NTRK3: variants seen among roughly 807,000 people sequenced by gnomAD.
NTRK3 encodes neurotrophic receptor tyrosine kinase 3.
A neutral mutation model predicts 91.7 loss-of-function variants in NTRK3; 24 were observed. That is an observed-to-expected ratio of 0.26 (90% CI 0.19 to 0.37). The LOEUF is 0.37. Ranked by LOEUF, NTRK3 falls within the 10% of genes least tolerant of loss-of-function variation. The pLI is 1.00. For missense variants in NTRK3, 880 were observed against 1,068.9 expected, an observed-to-expected ratio of 0.82 and a Z score of 2.46; for synonymous variants, 483 against 404.0, an observed-to-expected ratio of 1.20 and a Z score of -2.34.
At chr15:88,142,383 G>T (rs754694194) in intron 6 of NTRK3, among the ~76,000 whole-genome samples, 1 of 152,252 alleles carries the variant, frequency 6.6e-6, no homozygotes, top group African/African-American at 2.4e-5. Context: ...GGGCCTAATC[G>T]CAGGGCTCTG....
At chr15:88,206,021 G>A (rs1202244629) in intron 3 of NTRK3, 1 of 152,254 alleles carries the variant, frequency 6.6e-6, no homozygotes, top group Non-Finnish European at 1.5e-5. Flanking sequence ...ACAGCAGCTA[G>A]AGATGCCTTG....
chr15:87,957,494 C>T (rs2071788186), intron 14 of NTRK3, among the ~76,000 whole-genome samples: 1 of 152,164 alleles, frequency 6.6e-6, no homozygotes, highest in Non-Finnish European at 1.5e-5. Flanking sequence ...GCAAAATGGA[C>T]TCATAAGATG....
intron 13 of NTRK3, among the ~76,000 whole-genome samples, chr15:88,040,642 A>G (rs2079519733): frequency 6.6e-6 from 1 of 152,174 alleles, no homozygotes; most frequent in Non-Finnish European, 1.5e-5. Flanking sequence ...CAATCCTCAG[A>G]AATGTGGCAC....
chr15:87,966,601 T>G (rs1786822771), intron 14 of NTRK3, among the ~76,000 whole-genome samples: 1 of 152,186 alleles, frequency 6.6e-6, no homozygotes, highest in African/African-American at 2.4e-5. Flanking sequence ...TTTGGCCAAC[T>G]CTTGGGCTTA....
intron 3 of NTRK3, among the ~76,000 whole-genome samples, chr15:88,202,570 C>T (rs146900390): frequency 2.0e-5 from 3 of 152,318 alleles, no homozygotes; most frequent in Non-Finnish European, 4.4e-5. Context: ...TTTGACTAAG[C>T]GACCCATTCA....
exon 19 of NTRK3, chr15:87,873,010 G>A: frequency 4.3e-6 from 1 of 233,022 alleles, no homozygotes. Context: ...AACTTCCAAT[G>A]CACCCTGTAC....
chr15:87,908,184 G>GAATGTTAATAATTAGAAAGAAAAA (rs2066883839), intron 17 of NTRK3, among the ~76,000 whole-genome samples: 1 of 152,226 alleles, frequency 6.6e-6, no homozygotes, highest in Non-Finnish European at 1.5e-5. Flanking sequence ...GCACAGGTCT[G>GAATGTTAATAATTAGAAAGAAAAA]GACAGAAGCC....
At chr15:88,207,019 C>T (rs1002102634) in intron 3 of NTRK3, among the ~76,000 whole-genome samples, 2 of 152,196 alleles carry the variant, frequency 1.3e-5, no homozygotes, top group African/African-American at 4.8e-5. Flanking sequence ...CCTTCTGTTC[C>T]TCCTTCAGGG....
chr15:87,937,527 T>C (rs1307392750), intron 15 of NTRK3, among the ~76,000 whole-genome samples: 2 of 152,116 alleles, frequency 1.3e-5, no homozygotes, highest in Non-Finnish European at 2.9e-5. Flanking sequence ...AAATTGTGAC[T>C]ACTCAAAACA....
At chr15:88,170,976 A>G (rs1048630801) in intron 5 of NTRK3, among the ~76,000 whole-genome samples, 2 of 152,196 alleles carry the variant, frequency 1.3e-5, no homozygotes, top group African/African-American at 4.8e-5. Flanking sequence ...CTGTGTGTAT[A>G]AACCAGCCCT....
At chr15:87,988,207 T>G (rs907370626) in intron 14 of NTRK3, among the ~76,000 whole-genome samples, 1 of 152,172 alleles carries the variant, frequency 6.6e-6, no homozygotes, top group Non-Finnish European at 1.5e-5. Context: ...TGGTCTTCCT[T>G]CCCAATATCC....
At chr15:87,933,016 G>A (rs2141953794) in exon 16 of NTRK3, 1 of 1,614,088 alleles carries the variant, frequency 6.2e-7, no homozygotes, top group Non-Finnish European at 8.5e-7. Flanking sequence ...GCTTACCTGA[G>A]GAACTTATTC....
chr15:88,176,823 A>G (rs1225510492), intron 5 of NTRK3, among the ~76,000 whole-genome samples: 1 of 152,232 alleles, frequency 6.6e-6, no homozygotes, highest in African/African-American at 2.4e-5. Flanking sequence ...ACTCTTAAAT[A>G]GCTGAATGAG....
intron 3 of NTRK3, among the ~76,000 whole-genome samples, chr15:88,211,100 G>A (rs2049203103): frequency 6.6e-6 from 1 of 152,180 alleles, no homozygotes; most frequent in African/African-American, 2.4e-5. Context: ...ACAATGTCAT[G>A]CAAACATCAC....
At chr15:88,123,697 C>T (rs543821817) in intron 13 of NTRK3, among the ~76,000 whole-genome samples, 4 of 152,236 alleles carry the variant, frequency 2.6e-5, no homozygotes, top group South Asian at 4.2e-4. Context: ...ACATTAGTTC[C>T]GACCAGAAAG....
chr15:88,051,255 C>T (rs2142292409), intron 13 of NTRK3, among the ~76,000 whole-genome samples: 1 of 152,268 alleles, frequency 6.6e-6, no homozygotes, highest in East Asian at 1.9e-4. Context: ...CAGCTCAATC[C>T]CCACCACTCC....
intron 14 of NTRK3, among the ~76,000 whole-genome samples, chr15:87,950,873 T>C (rs2141109886): frequency 6.6e-6 from 1 of 152,346 alleles, no homozygotes; most frequent in South Asian, 2.1e-4. Context: ...GGAGTTTTGA[T>C]ATCTTTAAAT....
At chr15:87,862,423 A>G (rs555683985) in exon 19 of NTRK3, 1 of 227,642 alleles carries the variant, frequency 4.4e-6, no homozygotes, top group South Asian at 1.8e-4. Context: ...AAAGAAAGGG[A>G]TAAGATATAG....
intron 14 of NTRK3, among the ~76,000 whole-genome samples, chr15:88,022,334 C>A (rs2077659411): frequency 6.6e-6 from 1 of 152,148 alleles, no homozygotes; most frequent in Non-Finnish European, 1.5e-5. Flanking sequence ...GGCTTTACGC[C>A]CAAGCTGCCT....
Sources: allele counts gnomAD v4.1 joint callset (sites outside exome capture counted in the v4.1 genomes callset), GRCh38; gene constraint gnomAD v4.1.1; transcripts MANE v1.5; gene names NCBI Gene and HGNC (gene_info 2026-07-23, HGNC 2026-07-21).